The following UBE3C variants were observed in gnomAD, a reference collection of about 807,000 sequenced individuals.
UBE3C encodes ubiquitin-protein ligase E3C.
A neutral mutation model predicts 129.4 loss-of-function variants in UBE3C; 42 were observed. The observed-to-expected ratio is 0.32, with a 90% CI of 0.25 to 0.42. UBE3C has a LOEUF of 0.42. UBE3C is among the 10% of genes least tolerant of loss of function. The pLI, the probability that UBE3C is intolerant of heterozygous loss-of-function variation, is 1.00. For missense variants in UBE3C, 1,049 were observed against 1,319.1 expected (o/e 0.80, Z 3.17); for synonymous variants, 510 against 492.4 (o/e 1.04, Z -0.47).
chr7:157,254,333 T>C (rs1357561923), intron 21 of UBE3C, 23 bp downstream of exon 21: 1 of 1,409,598 alleles, frequency 7.1e-7, no homozygotes, highest in Non-Finnish European at 9.3e-7. Context: ...TGCTAGTTAT[T>C]GTTTCTGAAA....
At chr7:157,256,108 T>C (rs1456145638) in intron 21 of UBE3C, among the ~76,000 whole-genome samples, 4 of 152,170 alleles carry the variant, frequency 2.6e-5, no homozygotes, top group African/African-American at 4.8e-5. Context: ...TTCATCTTTA[T>C]AGTTACAGGG....
At chr7:157,186,543 A>C (rs1221277496) in intron 9 of UBE3C, among the ~76,000 whole-genome samples, 1 of 143,414 alleles carries the variant, frequency 7.0e-6, no homozygotes, top group Non-Finnish European at 1.5e-5. Flanking sequence ...AGCTTGATGT[A>C]AAAAAAAAAA....
At chr7:157,155,626 AAAG>A (rs1807881816) in intron 1 of UBE3C, among the ~76,000 whole-genome samples, 1 of 152,250 alleles carries the variant, frequency 6.6e-6, no homozygotes, top group African/African-American at 2.4e-5. Flanking sequence ...TATTTCAAAT[AAAG>A]AATAAACTTT....
At chr7:157,250,484 G>A (rs1319580122) in intron 19 of UBE3C, among the ~76,000 whole-genome samples, 1 of 151,288 alleles carries the variant, frequency 6.6e-6, no homozygotes, top group African/African-American at 2.4e-5. Flanking sequence ...ACCATTCCTG[G>A]CTAATTTTTG....
At chr7:157,191,167 A>G (rs1808952435) in intron 10 of UBE3C, among the ~76,000 whole-genome samples, 1 of 152,202 alleles carries the variant, frequency 6.6e-6, no homozygotes, top group Non-Finnish European at 1.5e-5. Flanking sequence ...AAGCAGCTTA[A>G]TTATGTCTTG....
At chr7:157,192,407 A>G (rs1165470130) in intron 10 of UBE3C, 2 of 711,316 alleles carry the variant, frequency 2.8e-6, no homozygotes, top group Non-Finnish European at 5.2e-6. Flanking sequence ...GAAGACCATC[A>G]CCCTCAAGGT....
chr7:157,198,433 A>G, intron 10 of UBE3C: 1 of 577,114 alleles, frequency 1.7e-6, no homozygotes, highest in South Asian at 1.8e-5. Flanking sequence ...AAGTTCTGCA[A>G]ATCCTGTGCG....
intron 16 of UBE3C, among the ~76,000 whole-genome samples, chr7:157,223,578 A>C (rs900104144): frequency 6.7e-6 from 1 of 149,008 alleles, no homozygotes; most frequent in East Asian, 2.0e-4. Flanking sequence ...AAGCCAGTAA[A>C]CACTATAGAT....
At chr7:157,212,753 G>A (rs1809632271) in intron 13 of UBE3C, among the ~76,000 whole-genome samples, 1 of 151,960 alleles carries the variant, frequency 6.6e-6, no homozygotes, top group African/African-American at 2.4e-5. Context: ...ACCTTTGTGG[G>A]GTTTTTTTGT....
intron 1 of UBE3C, among the ~76,000 whole-genome samples, chr7:157,157,311 C>T (rs944378751): frequency 1.3e-5 from 2 of 152,038 alleles, no homozygotes; most frequent in African/African-American, 4.8e-5. Context: ...AAACTTTGTA[C>T]ACATAAAAAT....
At chr7:157,188,948 G>A (rs541280328) in intron 10 of UBE3C, 24 of 676,404 alleles carry the variant, frequency 3.5e-5, no homozygotes, top group South Asian at 3.5e-4. Flanking sequence ...CTGATTGTCA[G>A]GGTGTACAAA....
At chr7:157,253,401 C>G (rs117781865) in intron 19 of UBE3C, among the ~76,000 whole-genome samples, 319 of 152,322 alleles carry the variant, frequency 2.1e-3, no homozygotes, top group South Asian at 3.7e-3. Flanking sequence ...TGTTCTTACT[C>G]ACTCTGTTTA....
At position 157,205,930 on chromosome 7, in the gene UBE3C, G is replaced by A. The variant is rs375367300; in HGVS notation, c.1419-1468G>A. ...CAGGTGGCTCAGCCAAGCTCCTTAC[G>A]GCCCCGCTAATTAGAACAAGTGGCC... On this transcript the variant is annotated intron_variant, in intron 11 of 22. Coordinates refer to ENST00000348165, the MANE Select transcript of UBE3C (RefSeq NM_014671.3). 1.1e-3 allele frequency among the ~76,000 whole-genome samples: 164 copies of A among 152,226 alleles called. 2 individuals are homozygous for A. The highest frequency in any genetic ancestry group is 3.7e-3 in the African/African-American group (155 of 41,526).
chr7:157,200,422 C>T (rs891593159), intron 10 of UBE3C, among the ~76,000 whole-genome samples: 2 of 152,074 alleles, frequency 1.3e-5, no homozygotes, highest in African/African-American at 4.8e-5. Flanking sequence ...GGAAATTACT[C>T]GACCAATCAA....
intron 10 of UBE3C, among the ~76,000 whole-genome samples, chr7:157,193,132 G>A (rs1458069229): frequency 2.0e-5 from 3 of 152,280 alleles, no homozygotes; most frequent in East Asian, 3.9e-4. Flanking sequence ...TTAGCAGCTT[G>A]TCTCCAGACG....
intron 6 of UBE3C, 108 bp downstream of exon 6, chr7:157,178,955 T>TA (rs2116913808): frequency 7.2e-7 from 1 of 1,387,054 alleles, no homozygotes; most frequent in South Asian, 1.4e-5. Context: ...GTCAGAGCGG[T>TA]ACTGGTGTCC....
chr7:157,252,255 ACAT>A (rs1796638360), intron 19 of UBE3C, among the ~76,000 whole-genome samples: 2 of 152,342 alleles, frequency 1.3e-5, no homozygotes, highest in South Asian at 4.1e-4. Context: ...TCATACAAGT[ACAT>A]CATCATTTAT....
intron 13 of UBE3C, among the ~76,000 whole-genome samples, chr7:157,215,916 C>A (rs1795554620): frequency 6.6e-6 from 1 of 152,122 alleles, no homozygotes; most frequent in South Asian, 2.1e-4. Flanking sequence ...CATTTAGTAC[C>A]TGCTAGGTTC....
At chr7:157,146,292 A>G (rs1394166984) in intron 1 of UBE3C, among the ~76,000 whole-genome samples, 2 of 151,572 alleles carry the variant, frequency 1.3e-5, no homozygotes, top group African/African-American at 2.4e-5. Context: ...CCCAGGCTGG[A>G]GTGCAGTGGC....
Sources: allele counts gnomAD v4.1 joint callset (sites outside exome capture counted in the v4.1 genomes callset), GRCh38; gene constraint gnomAD v4.1.1; transcripts MANE v1.5; gene names NCBI Gene and HGNC (gene_info 2026-07-23, HGNC 2026-07-21).